NOLC1: variants seen among roughly 807,000 people sequenced by gnomAD.
NOLC1 encodes the protein 140 kDa nucleolar phosphoprotein.
NOLC1 carries 37 observed loss-of-function variants against 73.4 expected under a neutral mutation model. The ratio of observed to expected loss-of-function variants is 0.50; its 90% CI spans 0.39 to 0.66. The LOEUF is 0.66. NOLC1 is among the 30% of genes least tolerant of loss of function. NOLC1 has a pLI of 0.00. For missense variants in NOLC1, 921 were observed against 838.9 expected (o/e 1.10, Z -1.21); for synonymous variants, 327 against 302.6 (o/e 1.08, Z -0.84).
intron 1 of NOLC1, among the ~76,000 whole-genome samples, chr10:102,156,274 CT>C (rs1037496819): frequency 6.6e-6 from 1 of 151,548 alleles, no homozygotes. Flanking sequence ...AAGAGAGAGC[CT>C]TTTTTTTGGC....
At chr10:102,156,078 G>A (rs762400976) in intron 1 of NOLC1, among the ~76,000 whole-genome samples, 2 of 152,184 alleles carry the variant, frequency 1.3e-5, no homozygotes, top group African/African-American at 2.4e-5. Flanking sequence ...GGCCTCAGGC[G>A]ATCTGCCCGC....
chr10:102,160,086 G>A lies in NOLC1; in HGVS notation c.988+62G>A. The A allele has an allele frequency of 1.9e-6, 3 of 1,595,094 alleles. No homozygotes were observed. In the South Asian group the frequency reaches 3.4e-5, roughly 18 times the overall value. ...TCTGGAGGAGGGGATGAGGAATAAG[G>A]GAGAGAGAAAGCCTTCCATCCTTCG... is the stretch of plus-strand genomic sequence containing the variant. On this transcript the variant is annotated intron_variant, in intron 8 of 12. Transcript: ENST00000605788.
In NOLC1 at chr10:102,160,945, G is replaced by A. The variant is rs1165642241; in HGVS notation, c.1593G>A (p.Glu531=). 14 of 1,614,202 alleles carry A rather than the reference G, an allele frequency of 8.7e-6. No homozygotes were observed. Among genetic ancestry groups the A allele is most frequent in the Non-Finnish European group, 1.2e-5 (14 of 1,180,046 alleles). ...ATGACTCCAGTGAGGAAGAGGAAGA[G>A]AAGCTCAAGGGCAAGGGCTCTCCAA... ...SSDDSSEEEE[E]KLKGKGSPRP... The change falls in exon 10 of 13, where the codon GAG becomes GAA. Residue 531 remains glutamate (E), a synonymous_variant. Transcript: ENST00000605788.
In NOLC1 at chr10:102,163,108, G is replaced by A. The variant is rs1210534928; in HGVS notation, c.*839G>A. ...TCTAAGTTGAGGACTGCATCTTCTC[G>A]TTTTTTACAGTATAGAGAACAAAAT... On this transcript the variant is annotated 3_prime_UTR_variant, in exon 13 of 13. Coordinates refer to ENST00000605788, the MANE Select transcript of NOLC1 (RefSeq NM_004741.5). 6.6e-6 allele frequency: 1 copy of A among 152,066 alleles called. No individual in the cohort carries two copies. Among genetic ancestry groups the A allele is most frequent in the Non-Finnish European group, 1.5e-5 (1 of 68,022 alleles). 9.4% of individuals were successfully genotyped at this position (152,066 alleles called of 1,614,324 possible).
At position 102,159,622 on chromosome 10, in the gene NOLC1, G is replaced by A; in HGVS notation, c.859+54G>A. On this transcript the variant is annotated intron_variant, in intron 7 of 12. Coordinates refer to ENST00000605788, the MANE Select transcript of NOLC1 (RefSeq NM_004741.5). ...TGACTGTGGTCAGGGCCCAGCTGCA[G>A]TAACCACATGGACCTCTCCATAGAG... 2.6e-6 allele frequency: 4 copies of A among 1,565,214 alleles called. No homozygotes were observed. In the South Asian group the frequency reaches 3.4e-5, roughly 13 times the overall value.
chr10:102,159,867 A>G, intron 7 of NOLC1, 29 bp from the exon 8 acceptor site: 1 of 1,505,234 alleles, frequency 6.6e-7, no homozygotes, highest in Non-Finnish European at 8.9e-7. Context: ...GACATATCCT[A>G]AAACCATCAC....
At position 102,162,326 on chromosome 10, in the gene NOLC1, A is replaced by C. The variant is rs879054508; in HGVS notation, c.*57A>C. The C allele has an allele frequency of 4.6e-5, 72 of 1,581,340 alleles. No individual in the cohort carries two copies. The South Asian group carries it at 7.5e-4, about 16-fold the overall frequency. On this transcript the variant is annotated 3_prime_UTR_variant, in exon 13 of 13. Coordinates refer to ENST00000605788, the MANE Select transcript of NOLC1 (RefSeq NM_004741.5). ...TGATCGGAGACTACTTACTTTCTCCAGTGGACCTGGGAACCCTCAGGTCTC... is the reference window on the plus strand; with the variant it reads ...TGATCGGAGACTACTTACTTTCTCCCGTGGACCTGGGAACCCTCAGGTCTC...
At chr10:102,159,706 A>G (rs2069667892) in intron 7 of NOLC1, 138 bp downstream of exon 7, 6 of 1,119,772 alleles carry the variant, frequency 5.4e-6, no homozygotes, top group Non-Finnish European at 7.5e-6. Flanking sequence ...TGATCCAGGA[A>G]AGCAAGGAGA....
Position 102,160,962 on chromosome 10 carries a change from G to T in NOLC1, c.1610G>T (p.Gly537Val), listed in dbSNP as rs780243476. 1.8e-5 allele frequency: 29 copies of T among 1,614,116 alleles called. No individual in the cohort carries two copies. Among genetic ancestry groups the T allele is most frequent in the East Asian group, 1.1e-4 (5 of 44,880 alleles). Residue 537 changes from glycine to valine, a missense_variant, in exon 10 of 13, where the codon GGC becomes GTC. Transcript: ENST00000605788. ...EEEEEKLKGK[G>V]SPRPQAPKAN... The stretch of plus-strand genomic sequence containing the variant: ...GAGGAAGAGAAGCTCAAGGGCAAGG[G>T]CTCTCCAAGACCACAAGCCCCCAAG...
At position 102,160,739 on chromosome 10, in the gene NOLC1, C is replaced by G. The variant is rs747928692; in HGVS notation, c.1387C>G (p.Pro463Ala). 6.2e-7 allele frequency: 1 copy of G among 1,614,120 alleles called. No individual in the cohort carries two copies. Among genetic ancestry groups the G allele is most frequent in the Non-Finnish European group, 8.5e-7 (1 of 1,179,978 alleles). Residue 463 changes from proline (P) to alanine (A), a missense_variant, in exon 10 of 13, where the codon CCT (proline) becomes GCT (alanine). By Grantham distance (27) the Pro-to-Ala change is conservative. Coordinates refer to ENST00000605788, the MANE Select transcript of NOLC1 (RefSeq NM_004741.5). ...AALSLPAKQA[P>A]QGSRDSSSDS... is the part of the protein sequence containing the mutation. Reference sequence around the variant, plus strand: ...TCTATCTCTGCCTGCCAAGCAGGCTCCTCAGGGTAGTAGGGACAGCAGCTC... The same window carrying G: ...TCTATCTCTGCCTGCCAAGCAGGCTGCTCAGGGTAGTAGGGACAGCAGCTC...
intron 11 of NOLC1, 48 bp downstream of exon 11, chr10:102,161,710 A>G: frequency 6.4e-7 from 1 of 1,568,046 alleles, no homozygotes; most frequent in East Asian, 2.3e-5. Context: ...TAAAAGTAGA[A>G]AAATCTAGGA....
intron 5 of NOLC1, 79 bp from the exon 6 acceptor site, chr10:102,159,114 C>T: frequency 8.6e-6 from 7 of 818,512 alleles, no homozygotes; most frequent in South Asian, 1.6e-5. Context: ...CCTAAGTTCT[C>T]TGCTCATAGG....
chr10:102,156,983 A>G, intron 1 of NOLC1, 36 bp from the exon 2 acceptor site: 1 of 1,602,620 alleles, frequency 6.2e-7, no homozygotes, highest in Non-Finnish European at 8.5e-7. Context: ...AACCAGGATA[A>G]AATAATTTCC....
Position 102,159,217 on chromosome 10 carries a change from A to G in NOLC1, c.632A>G (p.Asn211Ser), listed in dbSNP as rs768283520. 60 of 1,613,830 alleles carry G rather than the reference A, an allele frequency of 3.7e-5. No individual in the cohort carries two copies. The highest frequency in any genetic ancestry group is 4.9e-5 in the Non-Finnish European group (58 of 1,179,994). ...KPARAAPKIA[N>S]GKAASSSSSS... is the part of the protein sequence containing the mutation. ...GCTCGAGCAGCACCTAAAATAGCCA[A>G]TGGTAAAGCAGCCAGTAGCAGCAGT... Residue 211 changes from asparagine (N) to serine (S), a missense_variant, in exon 6 of 13, where the codon AAT (asparagine) becomes AGT (serine). By Grantham distance (46) the Asn-to-Ser change is conservative (BLOSUM62 1). Transcript: ENST00000605788.
Position 102,161,061 on chromosome 10 carries a change from AG to A in NOLC1, c.1710del (p.Lys572ArgfsTer5). The part of the protein sequence containing the change: ...AKNSEEEEEE[K>X]KKAAVVVSKS... ...AACAGTGAGGAGGAGGAAGAAGAAA[AG>A]AAAAAGGCGGCAGTGGTAGTTTCCA... On this transcript the variant is annotated frameshift_variant, in exon 10 of 13. Coordinates refer to ENST00000605788, the MANE Select transcript of NOLC1 (RefSeq NM_004741.5). LOFTEE classifies it high-confidence loss of function. The A allele has an allele frequency of 6.2e-7, 1 of 1,610,330 alleles. No homozygotes were observed. Among genetic ancestry groups the A allele is most frequent in the Non-Finnish European group, 8.5e-7 (1 of 1,179,260 alleles).
chr10:102,158,027 C>T, intron 4 of NOLC1, 22 bp from the exon 5 acceptor site: 4 of 1,605,924 alleles, frequency 2.5e-6, no homozygotes, highest in Middle Eastern at 1.8e-4. Flanking sequence ...GCTGATTTCT[C>T]TCCTTGTGTC....
chr10:102,159,621 A>C, intron 7 of NOLC1, 53 bp downstream of exon 7: 1 of 1,571,556 alleles, frequency 6.4e-7, no homozygotes, highest in Non-Finnish European at 8.7e-7. Context: ...GCCCAGCTGC[A>C]GTAACCACAT....
At chr10:102,159,374 C>T in intron 6 of NOLC1, 59 bp from the exon 7 acceptor site, 1 of 1,613,438 alleles carries the variant, frequency 6.2e-7, no homozygotes, top group Non-Finnish European at 8.5e-7. Flanking sequence ...TCTTCCTTCC[C>T]TGGCAGGATT....
chr10:102,152,592 G>A, intron 1 of NOLC1, 62 bp downstream of exon 1: 4 of 1,603,758 alleles, frequency 2.5e-6, no homozygotes, highest in Non-Finnish European at 3.4e-6. Flanking sequence ...AGGCCCTGAC[G>A]TGCTTAGGTT....
Sources: gnomAD v4.1 joint callset for allele counts (sites outside exome capture counted in the v4.1 genomes callset) on GRCh38, gnomAD v4.1.1 for gene constraint, MANE v1.5 for transcripts, NCBI Gene and HGNC (gene_info 2026-07-23, HGNC 2026-07-21) for gene names.